Variants in EML1 observed in about 807,000 individuals in gnomAD.
EML1 encodes EMAP like 1.
Under a neutral mutation model 110.4 loss-of-function variants are expected in EML1, and 27 were observed. The ratio of observed to expected loss-of-function variants is 0.24; its 90% confidence interval spans 0.18 to 0.34. The LOEUF (loss-of-function observed/expected upper bound fraction) is 0.34, where lower values mean the gene tolerates loss of function less well. Ranked by LOEUF, EML1 falls within the 10% of genes least tolerant of loss-of-function variation. The probability of loss-of-function intolerance (pLI) is 1.00; values close to 1 mark genes in which losing one functional copy is unlikely to be tolerated. For synonymous variants in EML1, 344 were observed against 385.8 expected (o/e 0.89, Z 1.27); for missense variants, 741 against 1,030.9 (o/e 0.72, Z 3.85).
intron 1 of EML1, among the ~76,000 whole-genome samples, chr14:99,741,700 G>A (rs895166471): frequency 2.0e-5 from 3 of 151,698 alleles, no homozygotes; most frequent in African/African-American, 7.3e-5. Flanking sequence ...TCCTGTCCCA[G>A]CCACCCCCAG....
At chr14:99,854,378 A>G (rs1398137407) in intron 2 of EML1, among the ~76,000 whole-genome samples, 2 of 152,252 alleles carry the variant, frequency 1.3e-5, no homozygotes, top group African/African-American at 4.8e-5. Flanking sequence ...CTGCAGGTTC[A>G]TGGAAATAAT....
At chr14:99,796,401 A>G (rs894831248) in intron 1 of EML1, among the ~76,000 whole-genome samples, 1 of 152,178 alleles carries the variant, frequency 6.6e-6, no homozygotes, top group Non-Finnish European at 1.5e-5. Context: ...CTCATCTTTC[A>G]GGAACTGTCT....
intron 17 of EML1, among the ~76,000 whole-genome samples, chr14:99,921,374 A>C (rs2060127991): frequency 6.6e-6 from 1 of 152,198 alleles, no homozygotes; most frequent in African/African-American, 2.4e-5. Flanking sequence ...TCACTACTTT[A>C]AAATCCCAAC....
At chr14:99,894,161 C>A (rs1043413989) in intron 5 of EML1, among the ~76,000 whole-genome samples, 2 of 152,098 alleles carry the variant, frequency 1.3e-5, no homozygotes, top group Admixed American at 6.5e-5. Context: ...TTAAAAGATA[C>A]ATAAAGATAT....
chr14:99,831,836 C>A (rs1341960203), intron 1 of EML1, among the ~76,000 whole-genome samples: 1 of 150,360 alleles, frequency 6.7e-6, no homozygotes, highest in Non-Finnish European at 1.5e-5. Flanking sequence ...TCATTTTTTA[C>A]TGAATGATGG....
chr14:99,823,225 A>T (rs1222880863), intron 1 of EML1, among the ~76,000 whole-genome samples: 3 of 151,804 alleles, frequency 2.0e-5, no homozygotes, highest in African/African-American at 7.3e-5. Context: ...CACTTAAGAG[A>T]CCCTGCTGCT....
chr14:99,836,066 A>ATTTGTTG (rs2058535750), intron 1 of EML1, among the ~76,000 whole-genome samples: 1 of 141,260 alleles, frequency 7.1e-6, no homozygotes, highest in African/African-American at 2.6e-5. Context: ...ATATTTACAA[A>ATTTGTTG]ATAGCTTGCT....
At chr14:99,847,922 A>G (rs1042736053) in intron 1 of EML1, among the ~76,000 whole-genome samples, 1 of 151,972 alleles carries the variant, frequency 6.6e-6, no homozygotes, top group African/African-American at 2.4e-5. Context: ...TAGACAGCAT[A>G]TAGTTGGGTT....
chr14:99,825,471 T>C (rs994761960), intron 1 of EML1, among the ~76,000 whole-genome samples: 6 of 152,098 alleles, frequency 3.9e-5, no homozygotes, highest in Admixed American at 3.3e-4. Flanking sequence ...GAGATCAAGC[T>C]ACTGCCCGAG....
At chr14:99,747,549 G>A (rs1017984227) in intron 1 of EML1, among the ~76,000 whole-genome samples, 1 of 152,208 alleles carries the variant, frequency 6.6e-6, no homozygotes, top group Non-Finnish European at 1.5e-5. Flanking sequence ...TCCTATGGGT[G>A]AGGGGCTGTC....
At chr14:99,793,259 C>T (rs2057701777), upstream of EML1, 1 of 899,064 alleles carries the variant, frequency 1.1e-6, no homozygotes, top group African/African-American at 1.8e-5. Flanking sequence ...GCCCCGCGGC[C>T]GCCGAGGCCG....
intron 1 of EML1, among the ~76,000 whole-genome samples, chr14:99,826,105 A>ATTTTTTTTTTTT (rs71113225): frequency 6.3e-5 from 5 of 79,962 alleles, no homozygotes; most frequent in African/African-American, 2.0e-4. Flanking sequence ...CTGTGCATTG[A>ATTTTTTTTTTTT]TTTTTTTTTT....
intron 4 of EML1, among the ~76,000 whole-genome samples, chr14:99,884,004 C>A (rs896640201): frequency 6.6e-6 from 1 of 152,214 alleles, no homozygotes; most frequent in African/African-American, 2.4e-5. Context: ...AGTGTTAATC[C>A]CAGCTCTGCT....
chr14:99,761,887 T>A (rs2140188085), intron 1 of EML1, among the ~76,000 whole-genome samples: 1 of 144,214 alleles, frequency 6.9e-6, no homozygotes, highest in Admixed American at 7.0e-5. Flanking sequence ...ATCACGCCAC[T>A]GCACTCCAGC....
At chr14:99,738,052 ACCCCCTGACTG>A (rs2056990581) in intron 1 of EML1, among the ~76,000 whole-genome samples, 1 of 151,954 alleles carries the variant, frequency 6.6e-6, no homozygotes, top group Non-Finnish European at 1.5e-5. Flanking sequence ...GTTCCGCCAC[ACCCCCTGACTG>A]CCCAGTGTAG....
intron 1 of EML1, among the ~76,000 whole-genome samples, chr14:99,758,976 G>A (rs937969802): frequency 2.0e-5 from 3 of 152,200 alleles, no homozygotes; most frequent in Non-Finnish European, 4.4e-5. Flanking sequence ...GTCAGAGTGG[G>A]CCTGCACATG....
At position 99,905,014 on chromosome 14, in the gene EML1, T is replaced by C. The variant is rs1595460861; in HGVS notation, c.1009-2624T>C. On this transcript the variant is annotated intron_variant, in intron 9 of 21. Coordinates refer to ENST00000262233, the MANE Select transcript of EML1 (RefSeq NM_004434.3). The surrounding 1 kb of genome is among the most constrained non-coding windows in gnomAD (Gnocchi z 4.1). ...AAACTTTACAGGAGATAAATAGTGA[T>C]TTTTACCATTCATTCAGCCAGTTTG... Among the ~76,000 whole-genome samples, 3 of 152,234 alleles carry C rather than the reference T, an allele frequency of 2.0e-5. No individual in the cohort carries two copies. In the South Asian group the frequency reaches 6.2e-4, roughly 32 times the overall value.
chr14:99,747,275 A>G (rs11160542), intron 1 of EML1, among the ~76,000 whole-genome samples: 17,213 of 151,628 alleles, frequency 0.11, 1,036 homozygotes, highest in East Asian at 0.21. Context: ...CTGGAAATGT[A>G]TAGAAATGGC....
chr14:99,935,336 G>A (rs1013760289), intron 17 of EML1, among the ~76,000 whole-genome samples: 18 of 152,128 alleles, frequency 1.2e-4, no homozygotes, highest in Non-Finnish European at 2.6e-4. Context: ...AATTGGCCAA[G>A]TGTCATGGCA....
Sources: gnomAD v4.1 joint callset for allele counts (sites outside exome capture counted in the v4.1 genomes callset) on GRCh38, gnomAD v4.1.1 for gene constraint, Gnocchi (gnomAD v3.1) non-coding constraint, MANE v1.5 for transcripts, NCBI Gene and HGNC (gene_info 2026-07-23, HGNC 2026-07-21) for gene names.